MYO10: variants seen among roughly 807,000 people sequenced by gnomAD.
MYO10 encodes the protein myosin X.
In MYO10, 133 loss-of-function variants were observed where a neutral mutation model predicts 257.3. That is an observed-to-expected ratio of 0.52 (90% CI 0.45 to 0.60). The LOEUF (loss-of-function observed/expected upper bound fraction) is 0.60. MYO10 is among the 20% of genes least tolerant of loss of function. The pLI is 0.00. For missense variants in MYO10, 2,399 were observed against 2,635.7 expected (o/e 0.91, Z 1.97); for synonymous variants, 1,104 against 1,028.6 (o/e 1.07, Z -1.40).
intron 2 of MYO10, among the ~76,000 whole-genome samples, chr5:16,837,760 T>C (rs1743355817): frequency 6.6e-6 from 1 of 152,158 alleles, no homozygotes; most frequent in South Asian, 2.1e-4. Context: ...CCACCTCAAA[T>C]ACAGGCACAC....
chr5:16,796,451 A>AAGAAAGAC (rs1741968219), intron 3 of MYO10, among the ~76,000 whole-genome samples: 2 of 95,532 alleles, frequency 2.1e-5, no homozygotes, highest in Non-Finnish European at 4.6e-5. Flanking sequence ...ACAGAAAGAA[A>AAGAAAGAC]GAAAGAAAGA....
chr5:16,830,804 G>A (rs1230301952), intron 2 of MYO10, among the ~76,000 whole-genome samples: 1 of 151,882 alleles, frequency 6.6e-6, no homozygotes, highest in Admixed American at 6.6e-5. Context: ...AGCTGAAAAA[G>A]CCAATTCCTG....
intron 2 of MYO10, among the ~76,000 whole-genome samples, chr5:16,867,656 G>A (rs899037571): frequency 6.6e-6 from 1 of 152,152 alleles, no homozygotes; most frequent in African/African-American, 2.4e-5. Flanking sequence ...AGTCAGAGAC[G>A]GCTTTAAGTG....
intron 19 of MYO10, chr5:16,713,389 A>G: frequency 1.0e-6 from 1 of 985,872 alleles, no homozygotes; most frequent in Non-Finnish European, 1.2e-6. Flanking sequence ...GCCAAAATTC[A>G]TATGGAAAAC....
At chr5:16,804,004 A>G (rs1019644022) in intron 3 of MYO10, among the ~76,000 whole-genome samples, 1 of 152,186 alleles carries the variant, frequency 6.6e-6, no homozygotes, top group African/African-American at 2.4e-5. Flanking sequence ...GGAACCGGCA[A>G]GGGGACAATA....
chr5:16,799,113 A>G (rs1742047229), intron 3 of MYO10, among the ~76,000 whole-genome samples: 1 of 152,090 alleles, frequency 6.6e-6, no homozygotes, highest in Admixed American at 6.6e-5. Context: ...CATTATTAAA[A>G]CTTCTTACAC....
chr5:16,709,663 G>T (rs1368781746), intron 21 of MYO10, among the ~76,000 whole-genome samples: 1 of 152,034 alleles, frequency 6.6e-6, no homozygotes, highest in Non-Finnish European at 1.5e-5. Context: ...CCAAGATACA[G>T]GGACTGCAGG....
intron 2 of MYO10, among the ~76,000 whole-genome samples, chr5:16,860,067 T>G (rs1261993806): frequency 6.6e-6 from 1 of 152,240 alleles, no homozygotes; most frequent in Non-Finnish European, 1.5e-5. Context: ...ATCAGTGGGA[T>G]TTCTCTACAA....
rs2126531511 is a variant in MYO10, at chr5:16,694,563, G to A, written c.3608C>T (p.Thr1203Ile). ...CTGCTTGGAGCGGAACCACAAGAAG[G>A]TTTCATCCTTGAGGACGCACCAGCG... ...KRRWCVLKDE[T>I]FLWFRSKQEA... The change falls in exon 27 of 41, where the codon ACC becomes ATC. Residue 1203 changes from threonine (T) to isoleucine (I), a missense_variant. Thr to Ile is a moderately conservative substitution (Grantham distance 89). Transcript: ENST00000513610. 6.2e-7 allele frequency: 1 copy of A among 1,614,008 alleles called. No individual in the cohort carries two copies. The highest frequency in any genetic ancestry group is 8.5e-7 in the Non-Finnish European group (1 of 1,179,908).
intron 39 of MYO10, 90 bp downstream of exon 39, chr5:16,670,436 C>A: frequency 8.3e-7 from 1 of 1,209,852 alleles, no homozygotes. Context: ...AATGCTCCAT[C>A]TTGTCTTCTC....
At chr5:16,905,939 T>C (rs1580136832) in intron 1 of MYO10, among the ~76,000 whole-genome samples, 1 of 152,080 alleles carries the variant, frequency 6.6e-6, no homozygotes, top group African/African-American at 2.4e-5. Flanking sequence ...GTTCCCTATC[T>C]TCCATGGCAA....
At chr5:16,885,876 G>T (rs1744883707) in intron 1 of MYO10, among the ~76,000 whole-genome samples, 1 of 152,074 alleles carries the variant, frequency 6.6e-6, no homozygotes, top group Non-Finnish European at 1.5e-5. Context: ...CCTCAGCAGG[G>T]GACCTGAAGT....
In MYO10 at chr5:16,754,960, AT is replaced by A. The variant is rs1180329037; in HGVS notation, c.1849-53del. The A allele has an allele frequency of 2.4e-6, 3 of 1,231,262 alleles. No individual in the cohort carries two copies. In the African/African-American group the frequency reaches 4.5e-5, roughly 18 times the overall value. 76.3% of individuals were successfully genotyped at this position (1,231,262 alleles called of 1,614,324 possible). Reference sequence around the variant, plus strand: ...AGTCTCTTATTATGTCATTCTTTAAATTTCTCAGTACTCTAGGCACTTAGAA... The same window carrying A: ...AGTCTCTTATTATGTCATTCTTTAAATTCTCAGTACTCTAGGCACTTAGAA... On this transcript the variant is annotated intron_variant, in intron 18 of 40. Transcript: ENST00000513610.
intron 2 of MYO10, among the ~76,000 whole-genome samples, chr5:16,866,843 C>G (rs1252017943): frequency 1.3e-5 from 2 of 152,180 alleles, no homozygotes; most frequent in African/African-American, 4.8e-5. Context: ...CTGCCTTTTC[C>G]TCCAACCTCA....
At position 16,808,596 on chromosome 5, in the gene MYO10, G is replaced by C. The variant is rs75746862; in HGVS notation, c.279+9413C>G. On this transcript the variant is annotated intron_variant, in intron 3 of 40. Transcript: ENST00000513610. The stretch of plus-strand genomic sequence containing the variant: ...TGTTAACTGAAGTCAAGGTCTTCAA[G>C]GTAGAGGCTGGCATTTCCATTTCAC... Among the ~76,000 whole-genome samples the C allele has an allele frequency of 2.6e-3, 389 of 152,308 alleles. 3 individuals are homozygous for C. Among genetic ancestry groups the C allele is most frequent in the African/African-American group, 8.8e-3 (366 of 41,568 alleles).
At chr5:16,800,083 T>A (rs950590270) in intron 3 of MYO10, among the ~76,000 whole-genome samples, 2 of 152,138 alleles carry the variant, frequency 1.3e-5, no homozygotes, top group Non-Finnish European at 2.9e-5. Context: ...GCTGGTTTAG[T>A]TATAGAAGAT....
intron 1 of MYO10, among the ~76,000 whole-genome samples, chr5:16,905,790 T>C (rs1241102604): frequency 1.3e-5 from 2 of 152,112 alleles, no homozygotes. Context: ...ATTGCAAAGA[T>C]CAGGAGTGGG....
intron 2 of MYO10, among the ~76,000 whole-genome samples, chr5:16,830,598 T>C (rs1227237388): frequency 6.6e-6 from 1 of 152,140 alleles, no homozygotes; most frequent in Non-Finnish European, 1.5e-5. Context: ...TTTTTCATTG[T>C]GGAGTTATAC....
rs371042891 is a variant in MYO10 at position 16,848,155 on chromosome 5, C to CTTTTTTTT, written c.120+29446_120+29453dup. Among the ~76,000 whole-genome samples the CTTTTTTTT allele has an allele frequency of 5.4e-3, 612 of 113,494 alleles. 33 individuals are homozygous for CTTTTTTTT. Among genetic ancestry groups the CTTTTTTTT allele is most frequent in the African/African-American group, 0.021 (564 of 26,672 alleles). The allele number at this position is 113,494 out of a possible 152,430, so 74.5% of individuals were successfully genotyped here. On this transcript the variant is annotated intron_variant, in intron 2 of 40. Coordinates refer to ENST00000513610, the MANE Select transcript of MYO10 (RefSeq NM_012334.3). ...TGATTAAGCAAAGAACTACACATTTCTTTTTTTTTTTTTTTTTTGTGAGAG... is the reference window on the plus strand; with the variant it reads ...TGATTAAGCAAAGAACTACACATTTCTTTTTTTTTTTTTTTTTTTTTTTTTTGTGAGAG...
Sources: allele counts gnomAD v4.1 joint callset (sites outside exome capture counted in the v4.1 genomes callset), GRCh38; gene constraint gnomAD v4.1.1; transcripts MANE v1.5; gene names NCBI Gene and HGNC (gene_info 2026-07-23, HGNC 2026-07-21).